The following PECR variants were observed in gnomAD, a reference collection of about 807,000 sequenced individuals.
PECR encodes 2,4-dienoyl-CoA reductase-related protein.
PECR carries 30 observed loss-of-function variants against 35.3 expected under a neutral mutation model. The ratio of observed to expected loss-of-function variants is 0.85; its 90% CI spans 0.64 to 1.15. The LOEUF is 1.15. Ranked by LOEUF, PECR falls within the 50% of genes most tolerant of loss-of-function variation. The pLI, the probability that PECR is intolerant of heterozygous loss-of-function variation, is 0.00. For missense variants in PECR, 392 were observed against 370.8 expected (o/e 1.06, Z -0.47); for synonymous variants, 148 against 138.9 (o/e 1.07, Z -0.46).
Position 216,066,022 on chromosome 2 carries a change from G to T in PECR, c.258+363C>A, listed in dbSNP as rs187081981. Among the ~76,000 whole-genome samples, 72 of 152,310 alleles carry T rather than the reference G, an allele frequency of 4.7e-4. No individual in the cohort carries two copies. In the East Asian group the frequency reaches 0.013, roughly 28 times the overall value. On this transcript the variant is annotated intron_variant, in intron 2 of 7. Coordinates refer to ENST00000265322, the MANE Select transcript of PECR (RefSeq NM_018441.6). The stretch of plus-strand genomic sequence containing the variant: ...ACCTATAGTCCCAGCTACTCAGGAG[G>T]CTGAGTCAGGAGAATTGCTTGAACC...
At chr2:216,061,868 A>G (rs1258496850) in intron 3 of PECR, among the ~76,000 whole-genome samples, 1 of 152,176 alleles carries the variant, frequency 6.6e-6, no homozygotes, top group Non-Finnish European at 1.5e-5. Flanking sequence ...TATTGTAATT[A>G]TATAGAAAAC....
At chr2:216,076,464 G>C (rs1695700410) in intron 1 of PECR, among the ~76,000 whole-genome samples, 1 of 152,240 alleles carries the variant, frequency 6.6e-6, no homozygotes, top group Admixed American at 6.5e-5. Context: ...GAGGGAAATA[G>C]TTAAATCAAT....
chr2:216,069,249 C>A (rs1695537587), intron 1 of PECR, among the ~76,000 whole-genome samples: 1 of 152,224 alleles, frequency 6.6e-6, no homozygotes, highest in African/African-American at 2.4e-5. Flanking sequence ...TTAATCATGT[C>A]ATTTCTTCCA....
chr2:216,077,859 G>A (rs1430440144), intron 1 of PECR, among the ~76,000 whole-genome samples: 5 of 150,738 alleles, frequency 3.3e-5, no homozygotes, highest in Non-Finnish European at 7.4e-5. Flanking sequence ...GGACTGGAAG[G>A]AAGTTTGTAA....
chr2:216,071,402 T>G (rs1282302481), intron 1 of PECR, among the ~76,000 whole-genome samples: 1 of 151,870 alleles, frequency 6.6e-6, no homozygotes, highest in African/African-American at 2.4e-5. Context: ...AGAAGGCACA[T>G]GGAAAGCAAA....
Position 216,066,365 on chromosome 2 carries a change from T to TA in PECR, c.258+19dup, listed in dbSNP as rs1559216400. On this transcript the variant is annotated intron_variant, in intron 2 of 7. Coordinates refer to ENST00000265322, the MANE Select transcript of PECR (RefSeq NM_018441.6). ...CAAATTACAATGAATGAATAAATGA[T>TA]ACAGATATATCTCCATTACCTCCTC... The TA allele has an allele frequency of 8.1e-6, 13 of 1,600,288 alleles. No homozygotes were observed. The South Asian group carries it at 1.3e-4, about 16-fold the overall frequency.
chr2:216,070,700 T>C (rs10190272), intron 1 of PECR, among the ~76,000 whole-genome samples: 8,596 of 152,258 alleles, frequency 0.056, 641 homozygotes, highest in African/African-American at 0.16. Flanking sequence ...GCAGCAACCT[T>C]GAGCTCCTAC....
At position 216,039,201 on chromosome 2, in the gene PECR, C is replaced by G. The variant is rs2105940769; in HGVS notation, c.*74G>C. Reference sequence around the variant, plus strand: ...AAATGTTTTCCATACCAACTATAAGCTTTTAAAAAGTACAGAAGCATATCC... The same window carrying G: ...AAATGTTTTCCATACCAACTATAAGGTTTTAAAAAGTACAGAAGCATATCC... On this transcript the variant is annotated 3_prime_UTR_variant, in exon 8 of 8. Coordinates refer to ENST00000265322, the MANE Select transcript of PECR (RefSeq NM_018441.6). The G allele has an allele frequency of 1.2e-6, 1 of 842,078 alleles. No individual in the cohort carries two copies. The highest frequency in any genetic ancestry group is 2.4e-5 in the East Asian group (1 of 41,156). 52.2% of individuals were successfully genotyped at this position (842,078 alleles called of 1,614,324 possible).
intron 2 of PECR, 48 bp downstream of exon 2, chr2:216,066,337 C>T: frequency 1.3e-6 from 2 of 1,547,372 alleles, no homozygotes; most frequent in Non-Finnish European, 1.8e-6. Context: ...AGAAACACTA[C>T]TGCAAATTAC....
At chr2:216,071,763 TCTCTATTTAA>T (rs1695592549) in intron 1 of PECR, among the ~76,000 whole-genome samples, 1 of 152,126 alleles carries the variant, frequency 6.6e-6, no homozygotes, top group Non-Finnish European at 1.5e-5. Flanking sequence ...TCTCTATTTG[TCTCTATTTAA>T]CTCTACCTCT....
chr2:216,065,347 G>C lies in PECR; in HGVS notation c.389C>G (p.Thr130Ser). The C allele has an allele frequency of 1.2e-6, 2 of 1,612,194 alleles. No individual in the cohort carries two copies. The highest frequency in any genetic ancestry group is 1.7e-6 in the Non-Finnish European group (2 of 1,178,230). ...CATGTAGAAGGTACCCGTCAGGTTG[G>C]TCTCAAGCACAGCGTGCCATCCCTT... ...SSKGWHAVLE[T>S]NLTGTFYMCK... The change falls in exon 3 of 8, where the codon ACC becomes AGC. Residue 130 changes from threonine to serine, a missense_variant. Physicochemically the swap from Thr to Ser is moderately conservative, Grantham distance 58 (BLOSUM62 1). Transcript: ENST00000265322.
At chr2:216,063,459 A>G (rs1462417476) in intron 3 of PECR, among the ~76,000 whole-genome samples, 3 of 152,042 alleles carry the variant, frequency 2.0e-5, no homozygotes, top group African/African-American at 7.2e-5. Context: ...CTCTACTAAA[A>G]ATATAAAAAT....
At chr2:216,045,521 T>C (rs1486344392) in intron 6 of PECR, among the ~76,000 whole-genome samples, 1 of 152,264 alleles carries the variant, frequency 6.6e-6, no homozygotes, top group African/African-American at 2.4e-5. Context: ...CTAAGTCAAA[T>C]ATATTATTAA....
intron 6 of PECR, among the ~76,000 whole-genome samples, chr2:216,048,499 C>G (rs1221277659): frequency 6.6e-6 from 1 of 151,706 alleles, no homozygotes; most frequent in African/African-American, 2.4e-5. Context: ...CACTTAAGGT[C>G]AGTAGTTCGA....
chr2:216,067,563 C>CTT (rs202088759), intron 1 of PECR, among the ~76,000 whole-genome samples: 3 of 143,844 alleles, frequency 2.1e-5, no homozygotes, highest in Middle Eastern at 3.3e-3. Flanking sequence ...TTTTCTTTTT[C>CTT]TTTTTTTTTT....
chr2:216,071,423 T>C (rs1320579677), intron 1 of PECR, among the ~76,000 whole-genome samples: 2 of 152,090 alleles, frequency 1.3e-5, no homozygotes, highest in Non-Finnish European at 2.9e-5. Context: ...TTGAAGCTCA[T>C]CCTTCTCGTG....
At chr2:216,051,281 C>CAA (rs147574036) in intron 5 of PECR, among the ~76,000 whole-genome samples, 168 bp downstream of exon 5, 103 of 93,066 alleles carry the variant, frequency 1.1e-3, no homozygotes, top group African/African-American at 1.6e-3. Context: ...GACTCCATCT[C>CAA]AAAAAAAAAA....
intron 6 of PECR, among the ~76,000 whole-genome samples, chr2:216,047,883 G>C (rs983079936): frequency 7.3e-5 from 11 of 151,568 alleles, no homozygotes; most frequent in African/African-American, 2.7e-4. Context: ...CCCTAATCTG[G>C]TCTTTTTGCT....
chr2:216,058,766 T>C lies in PECR; in HGVS notation c.506+129A>G, dbSNP rs1180089200. 4 of 634,464 alleles carry C rather than the reference T, an allele frequency of 6.3e-6. No individual in the cohort carries two copies. The African/African-American group carries it at 7.4e-5, about 12-fold the overall frequency. The allele number at this position is 634,464 out of a possible 1,614,324, so 39.3% of individuals were successfully genotyped here. A position where few individuals can be genotyped will look rare whatever the true frequency, so the allele number is the denominator to read the frequency against. On this transcript the variant is annotated intron_variant, in intron 4 of 7. Transcript: ENST00000265322. Reference sequence around the variant, plus strand: ...TTTAAGTTCAAATAAAATAAAATGTTAACTGTTAGAATCACAGCTCATTAA... The same window carrying C: ...TTTAAGTTCAAATAAAATAAAATGTCAACTGTTAGAATCACAGCTCATTAA...
Sources: gnomAD v4.1 joint callset for allele counts (sites outside exome capture counted in the v4.1 genomes callset) on GRCh38, gnomAD v4.1.1 for gene constraint, MANE v1.5 for transcripts, NCBI Gene and HGNC (gene_info 2026-07-23, HGNC 2026-07-21) for gene names.